Variants in SMU1 observed in about 807,000 individuals in gnomAD.
SMU1 encodes WD40 repeat-containing protein SMU1.
In SMU1, 2 loss-of-function variants were observed where a neutral mutation model predicts 62.0. That is an observed-to-expected ratio of 0.03 (90% confidence interval 0.01 to 0.10). The LOEUF is 0.10. SMU1 is among the 10% of genes least tolerant of loss of function. SMU1 has a pLI of 1.00. For synonymous variants in SMU1, 188 were observed against 212.4 expected (o/e 0.89, Z 1.00); for missense variants, 227 against 622.1 (o/e 0.36, Z 6.76).
rs1839133768 is a variant in SMU1, at chr9:33,042,192, C to G, written c.*5101G>C. On this transcript the variant is annotated 3_prime_UTR_variant, in exon 12 of 12. Coordinates refer to ENST00000397149, the MANE Select transcript of SMU1 (RefSeq NM_018225.3). ...AAACCGCAATTACTTTTGCACTAAC[C>G]TAATAGTTATATCCTGAAGAGGCAG... 6.6e-6 allele frequency: 1 copy of G among 152,590 alleles called. No individual in the cohort carries two copies. Among genetic ancestry groups the G allele is most frequent in the African/African-American group, 2.4e-5 (1 of 41,418 alleles). 9.5% of individuals were successfully genotyped at this position (152,590 alleles called of 1,614,324 possible).
intron 3 of SMU1, among the ~76,000 whole-genome samples, chr9:33,070,571 C>G (rs1445752169): frequency 6.6e-6 from 1 of 152,214 alleles, no homozygotes; most frequent in East Asian, 1.9e-4. Context: ...AAAGAGATAT[C>G]TGCACTCCCA....
At chr9:33,066,377 G>C (rs1015991166) in intron 4 of SMU1, among the ~76,000 whole-genome samples, 1 of 151,930 alleles carries the variant, frequency 6.6e-6, no homozygotes, top group Non-Finnish European at 1.5e-5. Context: ...GGAAGTTACT[G>C]GACTCAGTAC....
chr9:33,070,838 T>C (rs976693128), intron 3 of SMU1, among the ~76,000 whole-genome samples: 1 of 151,962 alleles, frequency 6.6e-6, no homozygotes, highest in Non-Finnish European at 1.5e-5. Context: ...AACATGGAGA[T>C]AGAGAGTAGA....
intron 10 of SMU1, among the ~76,000 whole-genome samples, chr9:33,048,566 A>G (rs1182317414): frequency 2.6e-5 from 4 of 152,206 alleles, no homozygotes; most frequent in African/African-American, 9.6e-5. Context: ...CAATTTTCTA[A>G]ATCAATATAC....
Position 33,048,265 on chromosome 9 carries a change from C to G in SMU1, c.1291-7G>C, listed in dbSNP as rs766131560. ...AACTGAAGCTTCTGACAATCTAGAT[C>G]ACACCACACCCCAAGAAAAAAACAT... On this transcript the variant is annotated splice_polypyrimidine_tract_variant and splice_region_variant and intron_variant, in intron 10 of 11. Coordinates refer to ENST00000397149, the MANE Select transcript of SMU1 (RefSeq NM_018225.3). 1 of 1,613,692 alleles carries G rather than the reference C, an allele frequency of 6.2e-7. No homozygotes were observed. The highest frequency in any genetic ancestry group is 8.5e-7 in the Non-Finnish European group (1 of 1,179,844).
chr9:33,071,729 C>G lies in SMU1; in HGVS notation c.390+11G>C. 4 of 1,593,288 alleles carry G rather than the reference C, an allele frequency of 2.5e-6. No individual in the cohort carries two copies. Among genetic ancestry groups the G allele is most frequent in the Non-Finnish European group, 3.4e-6 (4 of 1,173,902 alleles). On this transcript the variant is annotated intron_variant, in intron 3 of 11. Transcript: ENST00000397149. ...TTAACAAAAAGTTCCTTTTCATTAC[C>G]ACAGTCATACCTCACGAGGATCAAA...
At chr9:33,072,714 A>G (rs1839500174) in intron 2 of SMU1, among the ~76,000 whole-genome samples, 1 of 151,868 alleles carries the variant, frequency 6.6e-6, no homozygotes, top group Admixed American at 6.6e-5. Context: ...CTGTAATCCC[A>G]GCTACTCGGG....
chr9:33,075,377 A>G (rs80021072), intron 1 of SMU1, among the ~76,000 whole-genome samples: 1 of 141,026 alleles, frequency 7.1e-6, no homozygotes, highest in Admixed American at 7.0e-5. Flanking sequence ...ACTCCGTCTC[A>G]AAAAAAAAAA....
chr9:33,053,381 A>G (rs1839270477), intron 9 of SMU1, 91 bp from the exon 10 acceptor site: 6 of 1,291,234 alleles, frequency 4.6e-6, no homozygotes, highest in Non-Finnish European at 4.2e-6. Context: ...TTACTAAAAA[A>G]GAATAGAAAT....
At position 33,042,063 on chromosome 9, in the gene SMU1, A is replaced by T. The variant is rs186662614; in HGVS notation, c.*5230T>A. ...CCACTGAATTGCACAATTGTTTAGGAAAATTTGTTACATGTTTTACAATTA... is the reference window on the plus strand; with the variant it reads ...CCACTGAATTGCACAATTGTTTAGGTAAATTTGTTACATGTTTTACAATTA... On this transcript the variant is annotated 3_prime_UTR_variant, in exon 12 of 12. Coordinates refer to ENST00000397149, the MANE Select transcript of SMU1 (RefSeq NM_018225.3). The T allele has an allele frequency of 7.2e-5, 11 of 152,672 alleles. No homozygotes were observed. The East Asian group carries it at 2.1e-3, about 29-fold the overall frequency. The allele number at this position is 152,672 out of a possible 1,614,324, so 9.5% of individuals were successfully genotyped here. A position where few individuals can be genotyped will look rare whatever the true frequency, so the allele number is the denominator to read the frequency against.
intron 4 of SMU1, among the ~76,000 whole-genome samples, chr9:33,065,478 A>G (rs1839409452): frequency 6.6e-6 from 1 of 152,240 alleles, no homozygotes; most frequent in African/African-American, 2.4e-5. Context: ...AAAGACAAAG[A>G]GAATGGGAGA....
chr9:33,069,846 C>T (rs1322700112), intron 3 of SMU1, among the ~76,000 whole-genome samples: 1 of 151,862 alleles, frequency 6.6e-6, no homozygotes, highest in Non-Finnish European at 1.5e-5. Context: ...GAATACAGGG[C>T]CAAGTGTGGT....
At position 33,071,789 on chromosome 9, in the gene SMU1, T is replaced by C; in HGVS notation, c.341A>G (p.Tyr114Cys). ...GGCCAAAAGGTTCTCCAGATGAATA[T>C]ATCGCTCTGGCTGTGTTTGTTTTAA... The part of the protein sequence containing the change: ...IMLKQTQPER[Y>C]IHLENLLARS... The change falls in exon 3 of 12, where the codon TAT (tyrosine) becomes TGT (cysteine). Residue 114 changes from tyrosine (Y) to cysteine (C), a missense_variant. By Grantham distance (194) the Tyr-to-Cys change is radical. Coordinates refer to ENST00000397149, the MANE Select transcript of SMU1 (RefSeq NM_018225.3). The C allele has an allele frequency of 6.2e-7, 1 of 1,612,458 alleles. No homozygotes were observed. Among genetic ancestry groups the C allele is most frequent in the Non-Finnish European group, 8.5e-7 (1 of 1,179,530 alleles).
rs368817669 is a variant in SMU1, at chr9:33,068,784, T to C, written c.501+40A>G. On this transcript the variant is annotated intron_variant, in intron 4 of 11. Transcript: ENST00000397149. ...CCTCCCAAAGTGCAAGGATGACAGG[T>C]GTGAGCCACCACACCTGGCCTCTAC... 87 of 1,606,252 alleles carry C rather than the reference T, an allele frequency of 5.4e-5. 1 individual carries two copies. Among genetic ancestry groups the C allele is most frequent in the Non-Finnish European group, 7.2e-5 (85 of 1,175,908 alleles).
chr9:33,069,016 A>G, intron 3 of SMU1, 82 bp from the exon 4 acceptor site: 1 of 1,477,908 alleles, frequency 6.8e-7, no homozygotes, highest in South Asian at 1.3e-5. Context: ...AACAAGCAGA[A>G]GCATACACAG....
intron 10 of SMU1, among the ~76,000 whole-genome samples, chr9:33,051,299 C>T (rs919982027): frequency 3.3e-5 from 5 of 151,930 alleles, no homozygotes; most frequent in African/African-American, 7.3e-5. Context: ...CAGTGGTTGC[C>T]GGAAGTTAGT....
chr9:33,073,483 A>G (rs997719056), intron 2 of SMU1, 113 bp downstream of exon 2: 1 of 663,438 alleles, frequency 1.5e-6, no homozygotes, highest in Non-Finnish European at 2.7e-6. Flanking sequence ...CCATTGTTGT[A>G]TGGGCTGATG....
In SMU1 at chr9:33,076,667, C is replaced by G; in HGVS notation, c.-59G>C. The G allele has an allele frequency of 3.7e-6, 6 of 1,611,932 alleles. No homozygotes were observed. Among genetic ancestry groups the G allele is most frequent in the Non-Finnish European group, 5.1e-6 (6 of 1,179,126 alleles). On this transcript the variant is annotated 5_prime_UTR_variant, in exon 1 of 12. Transcript: ENST00000397149. ...CCCTCAAGGCCAGTCGCGCAACACACCAACGACACCTCCGGCGGACACCTA... is the reference window on the plus strand; with the variant it reads ...CCCTCAAGGCCAGTCGCGCAACACAGCAACGACACCTCCGGCGGACACCTA...
chr9:33,061,983 C>A, intron 5 of SMU1, 66 bp downstream of exon 5: 1 of 1,550,454 alleles, frequency 6.4e-7, no homozygotes, highest in South Asian at 1.2e-5. Context: ...GGCACAGGGC[C>A]TGGCTGAGCC....
Sources: allele counts gnomAD v4.1 joint callset (sites outside exome capture counted in the v4.1 genomes callset), GRCh38; gene constraint gnomAD v4.1.1; transcripts MANE v1.5; gene names NCBI Gene and HGNC (gene_info 2026-07-23, HGNC 2026-07-21).